COX7A2L: variants seen among roughly 807,000 people sequenced by gnomAD.
COX7A2L encodes the protein cytochrome c oxidase subunit 7A2 like.
Under a neutral mutation model 14.2 loss-of-function variants are expected in COX7A2L, and 18 were observed. The observed-to-expected ratio is 1.27, with a 90% CI of 0.88 to 1.88. COX7A2L has a LOEUF of 1.88. COX7A2L is among the 40% of genes most tolerant of loss of function. The pLI is 0.00. For missense variants in COX7A2L, 179 were observed against 138.8 expected (o/e 1.29, Z -1.46); for synonymous variants, 65 against 57.4 (o/e 1.13, Z -0.60).
rs537016598 is a variant in COX7A2L at position 42,342,309 on chromosome 2, G to A, written c.193-8440C>T. 6.6e-6 allele frequency among the ~76,000 whole-genome samples: 1 copy of A among 152,172 alleles called. No individual in the cohort carries two copies. Among genetic ancestry groups the A allele is most frequent in the African/African-American group, 2.4e-5 (1 of 41,536 alleles). On this transcript the variant is annotated intron_variant, in intron 2 of 2. Coordinates refer to the COX7A2L transcript ENST00000468711. The surrounding 1 kb of genome is among the most constrained non-coding windows in gnomAD (Gnocchi z 4.9). Reference sequence around the variant, plus strand: ...TTCCCTGCTCTCTCCCTCTCCCTAGGAGAGCTGAGACGAGGGACTTGAGCT... The same window carrying A: ...TTCCCTGCTCTCTCCCTCTCCCTAGAAGAGCTGAGACGAGGGACTTGAGCT...
In COX7A2L at chr2:42,342,159, G is replaced by A. The variant is rs184019817; in HGVS notation, c.193-8290C>T. ...ATGAGAGGCTGAGCTGAGCAACCACGCTGCCTCCATGCTTGAGCTCAGGGC... is the reference window on the plus strand; with the variant it reads ...ATGAGAGGCTGAGCTGAGCAACCACACTGCCTCCATGCTTGAGCTCAGGGC... On this transcript the variant is annotated intron_variant, in intron 2 of 2. Transcript: ENST00000468711. The surrounding 1 kb of genome is among the most constrained non-coding windows in gnomAD (Gnocchi z 4.9). Among the ~76,000 whole-genome samples, 169 of 152,186 alleles carry A rather than the reference G, an allele frequency of 1.1e-3. No individual in the cohort carries two copies. Among genetic ancestry groups the A allele is most frequent in the African/African-American group, 4.0e-3 (166 of 41,512 alleles).
Position 42,350,592 on chromosome 2 carries a change from G to C in COX7A2L, c.*627C>G, listed in dbSNP as rs1331729369. ...AAGATAAAGGAGAATTTGTGGCACA[G>C]CTGCATTAACAAAACAGACACCAGT... On this transcript the variant is annotated 3_prime_UTR_variant, in exon 3 of 3. Transcript: ENST00000234301. The C allele has an allele frequency of 6.6e-6, 1 of 152,128 alleles. No individual in the cohort carries two copies. The highest frequency in any genetic ancestry group is 2.4e-5 in the African/African-American group (1 of 41,404). 9.4% of individuals were successfully genotyped at this position (152,128 alleles called of 1,614,324 possible).
upstream of COX7A2L, among the ~76,000 whole-genome samples, chr2:42,363,816 T>C (rs1671106774): frequency 6.6e-6 from 1 of 152,122 alleles, no homozygotes; most frequent in South Asian, 2.1e-4. Context: ...CGACTCAGAG[T>C]AGAGAAGCTT....
At chr2:42,351,445 C>T (rs1442724016) in intron 2 of COX7A2L, 86 bp from the exon 3 acceptor site, 30 of 1,478,550 alleles carry the variant, frequency 2.0e-5, no homozygotes, top group Non-Finnish European at 2.5e-5. Context: ...TTTGTCTACT[C>T]GGTAAGTAAT....
chr2:42,362,798 G>C (rs76627920), upstream of COX7A2L, among the ~76,000 whole-genome samples: 4 of 150,934 alleles, frequency 2.7e-5, no homozygotes, highest in Admixed American at 2.6e-4. Context: ...ATAATGGAAA[G>C]AACATGCAAT....
At chr2:42,335,954 A>C (rs763712755) in intron 2 of COX7A2L, among the ~76,000 whole-genome samples, 3 of 152,210 alleles carry the variant, frequency 2.0e-5, no homozygotes, top group Non-Finnish European at 2.9e-5. Context: ...TCACTGTGGC[A>C]CCTGCTGCCA....
At chr2:42,341,052 C>T (rs1211369613) in intron 2 of COX7A2L, among the ~76,000 whole-genome samples, 1 of 152,060 alleles carries the variant, frequency 6.6e-6, no homozygotes, top group Non-Finnish European at 1.5e-5. Context: ...GAGATTCTGT[C>T]TTGGTTATAA....
chr2:42,360,316 T>A (rs1009329240), intron 1 of COX7A2L, among the ~76,000 whole-genome samples: 1 of 152,160 alleles, frequency 6.6e-6, no homozygotes, highest in Non-Finnish European at 1.5e-5. Flanking sequence ...CCGCCCTGGA[T>A]GAAACTGAGC....
At chr2:42,337,815 C>A (rs1558625366) in intron 2 of COX7A2L, among the ~76,000 whole-genome samples, 1 of 152,160 alleles carries the variant, frequency 6.6e-6, no homozygotes, top group East Asian at 1.9e-4. Context: ...AGAAAATGAG[C>A]CTTACTACCA....
Position 42,351,097 on chromosome 2 carries a change from TTCC to T in COX7A2L, c.*119_*121del, listed in dbSNP as rs1246432541. 4.6e-6 allele frequency: 5 copies of T among 1,081,742 alleles called. No homozygotes were observed. The East Asian group carries it at 1.3e-4, about 29-fold the overall frequency. The allele number at this position is 1,081,742 out of a possible 1,614,324, so 67.0% of individuals were successfully genotyped here. On this transcript the variant is annotated 3_prime_UTR_variant, in exon 3 of 3. Transcript: ENST00000234301. Reference sequence around the variant, plus strand: ...CAAACCAAAACATCATCTTCATATCTTCCTATTTTTCTTGCAAAAATGTTAAGC... The same window carrying T: ...CAAACCAAAACATCATCTTCATATCTTATTTTTCTTGCAAAAATGTTAAGC...
Position 42,361,005 on chromosome 2 carries a change from C to A in COX7A2L, c.72+85G>T, listed in dbSNP as rs776932045. On this transcript the variant is annotated intron_variant, in intron 1 of 2. Transcript: ENST00000234301. ...CGAACTCGACCGCGGGCAGAAGCCT[C>A]CCCTGGCTCCAACGCCGCGACTGCC... 6 of 1,454,908 alleles carry A rather than the reference C, an allele frequency of 4.1e-6. No individual in the cohort carries two copies. In the South Asian group the frequency reaches 7.1e-5, roughly 17 times the overall value. The allele number at this position is 1,454,908 out of a possible 1,614,324, so 90.1% of individuals were successfully genotyped here.
chr2:42,355,106 C>T (rs1670774989), intron 1 of COX7A2L, among the ~76,000 whole-genome samples: 1 of 152,216 alleles, frequency 6.6e-6, no homozygotes, highest in African/African-American at 2.4e-5. Flanking sequence ...TCCCAATCAA[C>T]TATTGCTTAA....
intron 1 of COX7A2L, 94 bp downstream of exon 1, chr2:42,360,996 C>G: frequency 1.5e-6 from 2 of 1,356,460 alleles, no homozygotes; most frequent in Non-Finnish European, 1.0e-6. Flanking sequence ...CGACCGCGGG[C>G]AGAAGCCTCC....
intron 2 of COX7A2L, among the ~76,000 whole-genome samples, chr2:42,352,614 G>T (rs576089141): frequency 1.3e-5 from 2 of 152,282 alleles, no homozygotes; most frequent in Admixed American, 1.3e-4. Context: ...TGAGGAGGGG[G>T]AAGCTACCTT....
Position 42,350,229 on chromosome 2 carries a change from G to T in COX7A2L, c.*990C>A, listed in dbSNP as rs982567617. 6.6e-6 allele frequency: 1 copy of T among 152,138 alleles called. No individual in the cohort carries two copies. Among genetic ancestry groups the T allele is most frequent in the Non-Finnish European group, 1.5e-5 (1 of 68,014 alleles). 9.4% of individuals were successfully genotyped at this position (152,138 alleles called of 1,614,324 possible). A position where few individuals can be genotyped will look rare whatever the true frequency, so the allele number is the denominator to read the frequency against. Reference sequence around the variant, plus strand: ...TTTTCAAAATTAATATAGGGTAAGTGAAGTCTACCAATCATGACAGCAAAG... The same window carrying T: ...TTTTCAAAATTAATATAGGGTAAGTTAAGTCTACCAATCATGACAGCAAAG... On this transcript the variant is annotated 3_prime_UTR_variant, in exon 3 of 3. Transcript: ENST00000234301.
chr2:42,363,076 A>G (rs1470624114), upstream of COX7A2L, among the ~76,000 whole-genome samples: 3 of 151,880 alleles, frequency 2.0e-5, no homozygotes, highest in African/African-American at 7.3e-5. Context: ...GGGTTTCACC[A>G]TGTTTCCCAG....
downstream of COX7A2L, among the ~76,000 whole-genome samples, chr2:42,348,324 G>A (rs1336560668): frequency 6.6e-6 from 1 of 152,188 alleles, no homozygotes; most frequent in Non-Finnish European, 1.5e-5. Flanking sequence ...TCGCCCCTCA[G>A]GCTACTTATT....
chr2:42,336,917 C>G (rs919572067), intron 2 of COX7A2L, among the ~76,000 whole-genome samples: 3 of 152,124 alleles, frequency 2.0e-5, no homozygotes, highest in African/African-American at 7.2e-5. Context: ...CTGTGTGGGG[C>G]TCAGCAAGGA....
intron 2 of COX7A2L, 164 bp downstream of exon 2, chr2:42,353,048 T>C (rs1001034303): frequency 6.3e-6 from 5 of 793,400 alleles, no homozygotes; most frequent in South Asian, 1.9e-5. Context: ...TATCTACCTA[T>C]ATAAAGTTCT....
Sources: allele counts gnomAD v4.1 joint callset (sites outside exome capture counted in the v4.1 genomes callset), GRCh38; gene constraint gnomAD v4.1.1; non-coding constraint Gnocchi (gnomAD v3.1); transcripts MANE v1.5; gene names NCBI Gene and HGNC (gene_info 2026-07-23, HGNC 2026-07-21).